NRXN3: variants seen among roughly 807,000 people sequenced by gnomAD.
The protein encoded by NRXN3 is neurexin III.
A neutral mutation model predicts 137.6 loss-of-function variants in NRXN3; 32 were observed. The observed-to-expected ratio is 0.23, with a 90% CI of 0.18 to 0.31. NRXN3 has a LOEUF of 0.31. NRXN3 is among the 10% of genes least tolerant of loss of function. The pLI, the probability that NRXN3 is intolerant of heterozygous loss-of-function variation, is 1.00. For synonymous variants in NRXN3, 798 were observed against 784.5 expected (o/e 1.02, Z -0.29); for missense variants, 1,574 against 2,062.5 (o/e 0.76, Z 4.59).
intron 8 of NRXN3, among the ~76,000 whole-genome samples, chr14:78,751,335 C>A (rs1301719791): frequency 1.3e-5 from 2 of 152,164 alleles, no homozygotes; most frequent in Admixed American, 1.3e-4. Flanking sequence ...GGGATAAATT[C>A]TCTTTATAGC....
At chr14:78,906,327 A>G (rs2099216428) in intron 10 of NRXN3, among the ~76,000 whole-genome samples, 1 of 152,032 alleles carries the variant, frequency 6.6e-6, no homozygotes, top group South Asian at 2.1e-4. Flanking sequence ...TGAATGAACT[A>G]CCACTACTTT....
chr14:78,857,027 C>T (rs2099059298), intron 10 of NRXN3, among the ~76,000 whole-genome samples: 1 of 152,204 alleles, frequency 6.6e-6, no homozygotes, highest in South Asian at 2.1e-4. Flanking sequence ...GACACCACAC[C>T]TGGCCTGTGC....
At chr14:79,207,722 C>T (rs1051612065) in intron 15 of NRXN3, among the ~76,000 whole-genome samples, 2 of 152,094 alleles carry the variant, frequency 1.3e-5, no homozygotes, top group African/African-American at 4.8e-5. Context: ...GAACCAAGGT[C>T]CCAGGGGATT....
At chr14:78,499,150 A>T (rs1489932359) in intron 4 of NRXN3, among the ~76,000 whole-genome samples, 1 of 152,130 alleles carries the variant, frequency 6.6e-6, no homozygotes, top group East Asian at 1.9e-4. Flanking sequence ...CCTCATTTTT[A>T]ATTTTTTAAA....
chr14:79,643,300 T>G (rs1721095421), intron 16 of NRXN3, among the ~76,000 whole-genome samples: 1 of 135,834 alleles, frequency 7.4e-6, no homozygotes, highest in African/African-American at 2.5e-5. Context: ...TGTCTTCCTG[T>G]CTCAGAGGAA....
intron 16 of NRXN3, among the ~76,000 whole-genome samples, chr14:79,569,630 T>TGTGTGTGTGTGTGA (rs775452045): frequency 7.4e-6 from 1 of 135,676 alleles, no homozygotes; most frequent in Admixed American, 7.2e-5. Flanking sequence ...TGTGTGTGTG[T>TGTGTGTGTGTGTGA]GAGAGAGAGA....
intron 15 of NRXN3, among the ~76,000 whole-genome samples, chr14:79,251,204 C>G (rs1422182738): frequency 6.6e-6 from 1 of 152,152 alleles, no homozygotes; most frequent in Non-Finnish European, 1.5e-5. Context: ...AGGAAGATTT[C>G]TCCGGGGAAA....
chr14:78,905,896 C>G (rs2099214574), intron 10 of NRXN3, among the ~76,000 whole-genome samples: 1 of 151,844 alleles, frequency 6.6e-6, no homozygotes, highest in South Asian at 2.1e-4. Flanking sequence ...AAAATCGTTA[C>G]TTAAACCAAG....
At chr14:78,973,487 A>C (rs1421486273) in intron 14 of NRXN3, among the ~76,000 whole-genome samples, 2 of 152,214 alleles carry the variant, frequency 1.3e-5, no homozygotes, top group African/African-American at 4.8e-5. Context: ...AAAATGTTTC[A>C]GAGATTTATA....
At chr14:79,298,256 T>G (rs2084531119) in intron 15 of NRXN3, among the ~76,000 whole-genome samples, 1 of 152,126 alleles carries the variant, frequency 6.6e-6, no homozygotes, top group African/African-American at 2.4e-5. Flanking sequence ...GAGGCTAATT[T>G]CTGTGGTATT....
intron 3 of NRXN3, among the ~76,000 whole-genome samples, chr14:78,285,958 C>T (rs1373553429): frequency 6.6e-6 from 1 of 152,126 alleles, no homozygotes; most frequent in Non-Finnish European, 1.5e-5. Flanking sequence ...TAGCTGTTCT[C>T]GATGAGTAAG....
chr14:79,752,881 C>A (rs2099003297), intron 19 of NRXN3, among the ~76,000 whole-genome samples: 1 of 151,938 alleles, frequency 6.6e-6, no homozygotes, highest in Non-Finnish European at 1.5e-5. Context: ...GGAAAAAAAA[C>A]AAACAACCCC....
intron 4 of NRXN3, among the ~76,000 whole-genome samples, chr14:78,577,543 A>T (rs1481473242): frequency 6.6e-6 from 1 of 151,974 alleles, no homozygotes; most frequent in African/African-American, 2.4e-5. Flanking sequence ...CCTGCTCACT[A>T]CAACCGCCAC....
intron 10 of NRXN3, among the ~76,000 whole-genome samples, chr14:78,909,040 T>C (rs1197252034): frequency 6.6e-6 from 1 of 152,150 alleles, no homozygotes; most frequent in African/African-American, 2.4e-5. Context: ...CTCAACTGGT[T>C]CAGCCTACAC....
At chr14:79,284,162 T>G (rs993238302) in intron 15 of NRXN3, among the ~76,000 whole-genome samples, 1 of 150,510 alleles carries the variant, frequency 6.6e-6, no homozygotes, top group Non-Finnish European at 1.5e-5. Context: ...ATTTTTTCCT[T>G]CTTTTTTTCC....
intron 15 of NRXN3, among the ~76,000 whole-genome samples, chr14:79,225,814 T>C (rs2070755119): frequency 6.6e-6 from 1 of 152,196 alleles, no homozygotes; most frequent in Non-Finnish European, 1.5e-5. Flanking sequence ...GGTTGAAGGA[T>C]GGAGATCTGG....
intron 2 of NRXN3, among the ~76,000 whole-genome samples, chr14:78,250,640 G>A (rs1200967764): frequency 2.0e-5 from 3 of 152,218 alleles, no homozygotes; most frequent in African/African-American, 7.2e-5. Context: ...AGTGAGGCAG[G>A]TAGGGCAGGC....
chr14:79,308,719 T>C (rs1391911830), intron 15 of NRXN3, among the ~76,000 whole-genome samples: 1 of 151,874 alleles, frequency 6.6e-6, no homozygotes, highest in Non-Finnish European at 1.5e-5. Context: ...ATCAAAAGTG[T>C]CTCTCTTGTC....
At chr14:79,025,278 G>A (rs2099596196) in intron 15 of NRXN3, among the ~76,000 whole-genome samples, 1 of 152,082 alleles carries the variant, frequency 6.6e-6, no homozygotes, top group South Asian at 2.1e-4. Flanking sequence ...CTTATGCACT[G>A]TGATTGGATA....
Sources: gnomAD v4.1 joint callset for allele counts (sites outside exome capture counted in the v4.1 genomes callset) on GRCh38, gnomAD v4.1.1 for gene constraint, MANE v1.5 for transcripts, NCBI Gene and HGNC (gene_info 2026-07-23, HGNC 2026-07-21) for gene names.